The following CTXND1 variants were observed in gnomAD, a reference collection of about 807,000 sequenced individuals.
The protein encoded by CTXND1 is cortexin domain-containing 1 protein.
intron 1 of CTXND1, among the ~76,000 whole-genome samples, chr15:80,237,163 G>T (rs981115031): frequency 6.6e-6 from 1 of 151,682 alleles, no homozygotes; most frequent in African/African-American, 2.4e-5. Flanking sequence ...GTGAAACCTC[G>T]TCTCTACTAA....
intron 1 of CTXND1, among the ~76,000 whole-genome samples, chr15:80,246,253 A>T (rs1054400404): frequency 2.0e-5 from 3 of 152,246 alleles, no homozygotes; most frequent in African/African-American, 7.2e-5. Context: ...TTCAATTCAT[A>T]TAAAGGTGGA....
At chr15:80,221,069 C>G (rs1409515947) in intron 1 of CTXND1, among the ~76,000 whole-genome samples, 1 of 151,868 alleles carries the variant, frequency 6.6e-6, no homozygotes, top group Non-Finnish European at 1.5e-5. Context: ...CCACCACGCT[C>G]GACTAATTTT....
chr15:80,214,026 G>A (rs531760136), intron 1 of CTXND1, among the ~76,000 whole-genome samples: 1 of 151,952 alleles, frequency 6.6e-6, no homozygotes, highest in Non-Finnish European at 1.5e-5. Flanking sequence ...AACCTACTGT[G>A]TTTATATAGG....
At chr15:80,245,312 C>G (rs1360043163) in intron 1 of CTXND1, among the ~76,000 whole-genome samples, 1 of 152,176 alleles carries the variant, frequency 6.6e-6, no homozygotes, top group Non-Finnish European at 1.5e-5. Flanking sequence ...TACATCGAGA[C>G]TGATGTAAAC....
chr15:80,205,505 C>T (rs1046628362), intron 1 of CTXND1, among the ~76,000 whole-genome samples: 1 of 152,190 alleles, frequency 6.6e-6, no homozygotes, highest in Non-Finnish European at 1.5e-5. Flanking sequence ...CCAGTTGTCC[C>T]ATAGAACTGA....
At chr15:80,243,872 G>A (rs1289828839) in intron 1 of CTXND1, among the ~76,000 whole-genome samples, 1 of 152,190 alleles carries the variant, frequency 6.6e-6, no homozygotes, top group African/African-American at 2.4e-5. Flanking sequence ...AGTCAACATG[G>A]AAGAGCATTT....
At chr15:80,245,620 C>T (rs1893619525) in intron 1 of CTXND1, among the ~76,000 whole-genome samples, 1 of 152,052 alleles carries the variant, frequency 6.6e-6, no homozygotes, top group Non-Finnish European at 1.5e-5. Context: ...GCCACAGAGG[C>T]CCACCCAGTT....
intron 1 of CTXND1, among the ~76,000 whole-genome samples, chr15:80,219,512 C>A (rs1170076921): frequency 5.3e-5 from 8 of 152,172 alleles, no homozygotes; most frequent in African/African-American, 1.9e-4. Context: ...TATACAGGTA[C>A]ACTTAGGTGA....
Position 80,196,844 on chromosome 15 carries a change from G to A in CTXND1, c.*4926C>T, listed in dbSNP as rs1173256599. The A allele has an allele frequency of 6.6e-6, 1 of 152,282 alleles. No homozygotes were observed. The highest frequency in any genetic ancestry group is 6.5e-5 in the Admixed American group (1 of 15,284). The allele number at this position is 152,282 out of a possible 1,614,324, so 9.4% of individuals were successfully genotyped here. A position where few individuals can be genotyped will look rare whatever the true frequency, so the allele number is the denominator to read the frequency against. On this transcript the variant is annotated 3_prime_UTR_variant, in exon 3 of 3. Coordinates refer to ENST00000560778, the MANE Select transcript of CTXND1 (RefSeq NM_001352888.2). Reference sequence around the variant, plus strand: ...ACCCAGACAGGAGATTGGAGGGCAGGAGGCAAGAGGTCAAGGTATTTATTC... The same window carrying A: ...ACCCAGACAGGAGATTGGAGGGCAGAAGGCAAGAGGTCAAGGTATTTATTC...
chr15:80,214,612 C>G (rs963502341), intron 1 of CTXND1, among the ~76,000 whole-genome samples: 5 of 152,002 alleles, frequency 3.3e-5, no homozygotes, highest in African/African-American at 1.2e-4. Context: ...CCTATTAAAA[C>G]TTATGGGGTG....
At chr15:80,239,591 C>T (rs564123455) in intron 1 of CTXND1, among the ~76,000 whole-genome samples, 25 of 152,216 alleles carry the variant, frequency 1.6e-4, no homozygotes, top group Non-Finnish European at 3.4e-4. Flanking sequence ...TTTTGGGACT[C>T]GGACTGGCTC....
intron 1 of CTXND1, among the ~76,000 whole-genome samples, chr15:80,230,309 T>C (rs974672378): frequency 1.3e-5 from 2 of 152,184 alleles, no homozygotes; most frequent in African/African-American, 4.8e-5. Context: ...AGGAGTACTT[T>C]TAGTTCCTAT....
rs1249376444 is a variant in CTXND1 at position 80,198,154 on chromosome 15, C to G, written c.*3616G>C. 1 of 152,206 alleles carries G rather than the reference C, an allele frequency of 6.6e-6. No homozygotes were observed. The highest frequency in any genetic ancestry group is 2.4e-5 in the African/African-American group (1 of 41,436). 9.4% of individuals were successfully genotyped at this position (152,206 alleles called of 1,614,324 possible). Reference sequence around the variant, plus strand: ...GATTGTATTTCCCTAAGTGACCCACCACCGAGGTGTCTTCATTGTCCCAAA... The same window carrying G: ...GATTGTATTTCCCTAAGTGACCCACGACCGAGGTGTCTTCATTGTCCCAAA... On this transcript the variant is annotated 3_prime_UTR_variant, in exon 3 of 3. Coordinates refer to ENST00000560778, the MANE Select transcript of CTXND1 (RefSeq NM_001352888.2).
intron 1 of CTXND1, among the ~76,000 whole-genome samples, chr15:80,235,459 TAA>T (rs1893485026): frequency 6.6e-6 from 1 of 152,194 alleles, no homozygotes. Flanking sequence ...GAGCTCGCCC[TAA>T]ATTATGCTCA....
At chr15:80,236,270 C>T (rs1401996379) in intron 1 of CTXND1, among the ~76,000 whole-genome samples, 1 of 151,914 alleles carries the variant, frequency 6.6e-6, no homozygotes, top group Non-Finnish European at 1.5e-5. Context: ...GGAAACAAAA[C>T]GATTAAAATC....
chr15:80,249,458 C>A (rs1893670315), intron 1 of CTXND1, among the ~76,000 whole-genome samples: 1 of 152,198 alleles, frequency 6.6e-6, no homozygotes, highest in African/African-American at 2.4e-5. Context: ...CTTCTCTGAT[C>A]ATTAATTTCC....
intron 1 of CTXND1, among the ~76,000 whole-genome samples, chr15:80,251,141 C>G (rs560187606): frequency 5.3e-5 from 8 of 152,184 alleles, no homozygotes; most frequent in African/African-American, 1.9e-4. Flanking sequence ...GGGTCCCGAG[C>G]CACATCCTGA....
intron 1 of CTXND1, among the ~76,000 whole-genome samples, chr15:80,211,213 T>G (rs1489460173): frequency 6.6e-6 from 1 of 152,164 alleles, no homozygotes; most frequent in African/African-American, 2.4e-5. Flanking sequence ...CACCAGCTCC[T>G]GAAAATAGGA....
At position 80,204,647 on chromosome 15, in the gene CTXND1, GTATATATA is replaced by G. The variant is rs35359063; in HGVS notation, c.-217-915_-217-908del. 1.5e-3 allele frequency among the ~76,000 whole-genome samples: 192 copies of G among 131,340 alleles called. 4 individuals carry two copies. Among genetic ancestry groups the G allele is most frequent in the Non-Finnish European group, 2.1e-3 (129 of 62,786 alleles). The allele number at this position is 131,340 out of a possible 152,430, so 86.2% of individuals were successfully genotyped here. Reference sequence around the variant, plus strand: ...TTTAAGGTCCGAATAATATTCCATTGTATATATATATATATATATATATATACCACATT... The same window carrying G: ...TTTAAGGTCCGAATAATATTCCATTGTATATATATATATATATACCACATT... On this transcript the variant is annotated intron_variant, in intron 1 of 2. Coordinates refer to ENST00000560778, the MANE Select transcript of CTXND1 (RefSeq NM_001352888.2).
Sources: gnomAD v4.1 joint callset for allele counts (sites outside exome capture counted in the v4.1 genomes callset) on GRCh38, gnomAD v4.1.1 for gene constraint, MANE v1.5 for transcripts, NCBI Gene and HGNC (gene_info 2026-07-23, HGNC 2026-07-21) for gene names.